Variants in NDE1 observed in about 807,000 individuals in gnomAD.
NDE1 encodes the protein nudE neurodevelopment protein 1.
A neutral mutation model predicts 43.4 loss-of-function variants in NDE1; 28 were observed. The observed-to-expected ratio is 0.65, with a 90% CI of 0.48 to 0.89. The LOEUF is 0.89. NDE1 is among the 40% of genes least tolerant of loss of function. NDE1 has a pLI of 0.00. For missense variants in NDE1, 441 were observed against 434.1 expected (o/e 1.02, Z -0.14); for synonymous variants, 184 against 172.0 (o/e 1.07, Z -0.55).
chr16:15,667,823 C>T (rs1388148036), intron 3 of NDE1, among the ~76,000 whole-genome samples: 8 of 151,614 alleles, frequency 5.3e-5, no homozygotes, highest in African/African-American at 9.7e-5. Context: ...GTAGTAGAGA[C>T]GGGGTTTTAT....
At chr16:15,668,387 C>T (rs1336184095) in intron 3 of NDE1, among the ~76,000 whole-genome samples, 2 of 152,180 alleles carry the variant, frequency 1.3e-5, no homozygotes, top group Admixed American at 1.3e-4. Flanking sequence ...ACCTGAACCT[C>T]GGGAGTAGCT....
At chr16:15,718,425 C>T in intron 8 of NDE1, 4 of 1,573,418 alleles carry the variant, frequency 2.5e-6, no homozygotes, top group East Asian at 2.3e-5. Context: ...CGCTTCTCGT[C>T]CTGGAGTGCG....
At chr16:15,699,691 C>G in intron 8 of NDE1, 1 of 1,337,516 alleles carries the variant, frequency 7.5e-7, no homozygotes, top group Non-Finnish European at 9.8e-7. Context: ...TTTGTCACAG[C>G]TGTTATGTCA....
At chr16:15,718,830 T>C (rs1453195974) in intron 8 of NDE1, 2 of 407,240 alleles carry the variant, frequency 4.9e-6, no homozygotes, top group Non-Finnish European at 9.2e-6. Context: ...GCAGCAGCAT[T>C]GAAATGGGGG....
intron 8 of NDE1, chr16:15,718,643 G>A (rs2040300235): frequency 2.8e-6 from 2 of 705,866 alleles, no homozygotes; most frequent in Admixed American, 2.9e-5. Context: ...CAGCAAAGCT[G>A]GGATTGGGAT....
chr16:15,655,254 G>A (rs2036703713), intron 1 of NDE1, among the ~76,000 whole-genome samples: 1 of 152,124 alleles, frequency 6.6e-6, no homozygotes, highest in Non-Finnish European at 1.5e-5. Flanking sequence ...CTGGGCTCAA[G>A]CAATCCACCC....
chr16:15,688,615 A>G (rs2038560166), intron 5 of NDE1, among the ~76,000 whole-genome samples: 1 of 136,790 alleles, frequency 7.3e-6, no homozygotes, highest in Admixed American at 7.4e-5. Context: ...CCTGGGTGAC[A>G]GAGTGAGACT....
At chr16:15,720,127 C>A in intron 8 of NDE1, 1 of 1,614,108 alleles carries the variant, frequency 6.2e-7, no homozygotes, top group South Asian at 1.1e-5. Flanking sequence ...TCCACCCATG[C>A]CCCAAGCTCC....
chr16:15,656,342 T>C (rs1205442585), intron 1 of NDE1, among the ~76,000 whole-genome samples: 3 of 152,054 alleles, frequency 2.0e-5, no homozygotes, highest in Admixed American at 6.6e-5. Flanking sequence ...GTTCTCTGCT[T>C]ATTTTCTCCT....
In NDE1 at chr16:15,687,114, G is replaced by C. The variant is rs1013639283; in HGVS notation, c.387-261G>C. 3.7e-5 allele frequency: 50 copies of C among 1,346,588 alleles called. 1 individual carries two copies. In the East Asian group the frequency reaches 1.6e-3, roughly 43 times the overall value. 83.4% of individuals were successfully genotyped at this position (1,346,588 alleles called of 1,614,324 possible). On this transcript the variant is annotated intron_variant, in intron 4 of 8. Transcript: ENST00000396354. ...AGTCCTGATAGGGCTTTGGCTTATTGCTGAGTGCTGTGTGGGCAGCATCTT... is the reference window on the plus strand; with the variant it reads ...AGTCCTGATAGGGCTTTGGCTTATTCCTGAGTGCTGTGTGGGCAGCATCTT...
intron 8 of NDE1, chr16:15,700,079 C>CT (rs2039174387): frequency 1.7e-6 from 2 of 1,164,410 alleles, no homozygotes; most frequent in South Asian, 1.7e-5. Context: ...GGGAAGGGCT[C>CT]TAAGTTGTCG....
Position 15,725,589 on chromosome 16 carries a change from T to C in NDE1, c.*1338T>C, listed in dbSNP as rs1443901581. The C allele has an allele frequency of 2.5e-6, 1 of 406,426 alleles. No homozygotes were observed. Among genetic ancestry groups the C allele is most frequent in the Non-Finnish European group, 4.3e-6 (1 of 230,158 alleles). The allele number at this position is 406,426 out of a possible 1,614,324, so 25.2% of individuals were successfully genotyped here. ...GGCTGTTAGCCTACCCCTCCATCTC[T>C]TCCATTGACAAGGAGGATATGAATG... On this transcript the variant is annotated 3_prime_UTR_variant, in exon 9 of 9. Transcript: ENST00000396354.
chr16:15,650,902 T>C (rs770983023), intron 1 of NDE1, among the ~76,000 whole-genome samples: 16 of 152,142 alleles, frequency 1.1e-4, no homozygotes, highest in Admixed American at 9.8e-4. Context: ...GGGAACACGT[T>C]TGGGGCAGTC....
intron 3 of NDE1, among the ~76,000 whole-genome samples, chr16:15,674,027 G>A (rs958811651): frequency 6.6e-6 from 1 of 152,168 alleles, no homozygotes; most frequent in Non-Finnish European, 1.5e-5. Context: ...TGTCTCTGAA[G>A]TGGAATTAAA....
chr16:15,648,636 GTC>G (rs1485799896), upstream of NDE1, among the ~76,000 whole-genome samples: 1 of 151,682 alleles, frequency 6.6e-6, no homozygotes, highest in Non-Finnish European at 1.5e-5. Context: ...GTGAAACCGT[GTC>G]TCTACTAAAA....
chr16:15,702,362 G>A (rs907731732), intron 8 of NDE1, among the ~76,000 whole-genome samples: 1 of 152,186 alleles, frequency 6.6e-6, no homozygotes, highest in African/African-American at 2.4e-5. Flanking sequence ...TATGTAGCCT[G>A]TAAAGGCTAA....
At chr16:15,686,077 G>C (rs113515223) in intron 4 of NDE1, among the ~76,000 whole-genome samples, 1 of 151,492 alleles carries the variant, frequency 6.6e-6, no homozygotes, top group African/African-American at 2.4e-5. Flanking sequence ...TCACCCTCCC[G>C]AGCAGCTGGG....
Position 15,722,293 on chromosome 16 carries a change from A to G in NDE1, c.948-1898A>G, listed in dbSNP as rs534692448. Among the ~76,000 whole-genome samples, 6 of 152,336 alleles carry G rather than the reference A, an allele frequency of 3.9e-5. No homozygotes were observed. The South Asian group carries it at 1.0e-3, about 26-fold the overall frequency. Reference sequence around the variant, plus strand: ...CACAAGTAGCTATTAATATCTTACAAAAGTATCCTAAGAGCCTCAGTAGGG... The same window carrying G: ...CACAAGTAGCTATTAATATCTTACAGAAGTATCCTAAGAGCCTCAGTAGGG... On this transcript the variant is annotated intron_variant, in intron 8 of 8. Transcript: ENST00000396354.
chr16:15,687,155 C>G (rs568137566), intron 4 of NDE1: 2 of 1,445,304 alleles, frequency 1.4e-6, no homozygotes, highest in South Asian at 1.3e-5. Context: ...ATCCTCATGA[C>G]AGCCTCGTGC....
Sources: allele counts gnomAD v4.1 joint callset (sites outside exome capture counted in the v4.1 genomes callset), GRCh38; gene constraint gnomAD v4.1.1; transcripts MANE v1.5; gene names NCBI Gene and HGNC (gene_info 2026-07-23, HGNC 2026-07-21).